Variants in SH3KBP1 observed in about 807,000 individuals in gnomAD.
SH3KBP1 encodes SH3 domain containing kinase binding protein 1.
In SH3KBP1, 8 loss-of-function variants were observed where a neutral mutation model predicts 50.1. The observed-to-expected ratio is 0.16, with a 90% confidence interval of 0.09 to 0.29. SH3KBP1 has a LOEUF of 0.29. Ranked by LOEUF, SH3KBP1 falls within the 10% of genes least tolerant of loss-of-function variation. The pLI is 1.00. For missense variants in SH3KBP1, 377 were observed against 535.2 expected, an observed-to-expected ratio of 0.70 and a Z score of 2.92; for synonymous variants, 227 against 218.6, an observed-to-expected ratio of 1.04 and a Z score of -0.34.
At chrX:19,678,251 C>T (rs1278353891) in intron 6 of SH3KBP1, among the ~76,000 whole-genome samples, 1 of 110,789 alleles carries the variant, frequency 9.0e-6, no homozygotes. Context: ...ATAATCTATA[C>T]AAATAGAGGG....
chrX:19,661,512 C>T (rs1312617350), intron 6 of SH3KBP1, among the ~76,000 whole-genome samples: 8 of 108,829 alleles, frequency 7.4e-5, no homozygotes. Context: ...ACAGTGATTG[C>T]CCCAGGGTGA....
At position 19,887,569 on chromosome X, in the gene SH3KBP1, C is replaced by T; in HGVS notation, c.-259G>A. The T allele has an allele frequency of 8.5e-6, 1 of 117,180 alleles. No individual in the cohort carries two copies. The highest frequency in any genetic ancestry group is 1.6e-5 in the Non-Finnish European group (1 of 63,419). 9.7% of individuals were successfully genotyped at this position (117,180 alleles called of 1,213,427 possible). On this transcript the variant is annotated 5_prime_UTR_variant, in exon 1 of 18. Coordinates refer to ENST00000397821, the MANE Select transcript of SH3KBP1 (RefSeq NM_031892.3). ...CGCGGCCCAATGCGCCCGGCTGCGCCGGGTTTCCTGCTCCCCGCGAGTGGA... is the reference window on the plus strand; with the variant it reads ...CGCGGCCCAATGCGCCCGGCTGCGCTGGGTTTCCTGCTCCCCGCGAGTGGA...
intron 9 of SH3KBP1, among the ~76,000 whole-genome samples, chrX:19,595,607 A>C: frequency 9.7e-6 from 1 of 103,548 alleles, no homozygotes. Context: ...TTTTTTTTGC[A>C]TATCAGCCGT....
At chrX:19,577,490 A>G (rs369973307) in intron 12 of SH3KBP1, among the ~76,000 whole-genome samples, 5 of 111,379 alleles carry the variant, frequency 4.5e-5, no homozygotes, top group African/African-American at 1.6e-4. Context: ...CACTCGACCT[A>G]TCCAGAGGGG....
chrX:19,764,507 C>T (rs1308611253), intron 2 of SH3KBP1, among the ~76,000 whole-genome samples: 1 of 110,501 alleles, frequency 9.0e-6, no homozygotes, highest in Non-Finnish European at 1.9e-5. Context: ...TACCCAGAGG[C>T]CCCCAGAAGT....
chrX:19,835,390 C>T (rs2068031933), intron 2 of SH3KBP1, among the ~76,000 whole-genome samples: 1 of 111,016 alleles, frequency 9.0e-6, no homozygotes, highest in African/African-American at 3.3e-5. Flanking sequence ...TCTCCTGCCT[C>T]AACCTCCCAA....
At chrX:19,870,582 G>A (rs754255066) in intron 1 of SH3KBP1, among the ~76,000 whole-genome samples, 4 of 111,985 alleles carry the variant, frequency 3.6e-5, no homozygotes, top group Non-Finnish European at 7.5e-5. Context: ...CTGGGCTCAC[G>A]TGATCCGCTG....
intron 6 of SH3KBP1, among the ~76,000 whole-genome samples, chrX:19,657,320 C>T (rs2148461411): frequency 9.5e-6 from 1 of 105,154 alleles, no homozygotes; most frequent in East Asian, 3.0e-4. Context: ...GTTGAGGTTG[C>T]AGTGAGCCCC....
At chrX:19,820,804 T>C (rs947082961) in intron 2 of SH3KBP1, among the ~76,000 whole-genome samples, 1 of 111,721 alleles carries the variant, frequency 9.0e-6, no homozygotes, top group Non-Finnish European at 1.9e-5. Context: ...TTGTACATTC[T>C]TTAGAATTTC....
chrX:19,666,423 G>A (rs911162964), intron 6 of SH3KBP1, among the ~76,000 whole-genome samples: 4 of 110,802 alleles, frequency 3.6e-5, no homozygotes, highest in African/African-American at 1.3e-4. Context: ...TAACTACCTG[G>A]GCACTCCACT....
At chrX:19,670,975 C>A (rs1292439644) in intron 6 of SH3KBP1, 4 of 1,092,573 alleles carry the variant, frequency 3.7e-6, no homozygotes, top group Non-Finnish European at 4.8e-6. Flanking sequence ...CCCAGCCTAA[C>A]CCTGAGTCAT....
intron 7 of SH3KBP1, among the ~76,000 whole-genome samples, chrX:19,639,944 G>A (rs2061812473): frequency 9.8e-6 from 1 of 102,464 alleles, no homozygotes; most frequent in East Asian, 3.0e-4. Context: ...TAAACATGTG[G>A]TGAGAAAGCA....
At chrX:19,878,170 T>C (rs765132790) in intron 1 of SH3KBP1, among the ~76,000 whole-genome samples, 1 of 112,067 alleles carries the variant, frequency 8.9e-6, no homozygotes, top group African/African-American at 3.2e-5. Context: ...CAAGTGCTCA[T>C]GATCACAGGT....
intron 1 of SH3KBP1, among the ~76,000 whole-genome samples, chrX:19,837,238 G>A (rs2068083613): frequency 9.0e-6 from 1 of 111,655 alleles, no homozygotes; most frequent in Non-Finnish European, 1.9e-5. Flanking sequence ...CAACAGATGA[G>A]CTCTTACGCA....
intron 13 of SH3KBP1, among the ~76,000 whole-genome samples, chrX:19,567,165 T>C (rs865781537): frequency 1.8e-5 from 2 of 108,357 alleles, no homozygotes; most frequent in Non-Finnish European, 3.8e-5. Context: ...ACAAGGGATC[T>C]AGTGGTGATG....
chrX:19,597,986 A>T (rs1318953549), intron 9 of SH3KBP1, among the ~76,000 whole-genome samples: 1 of 112,804 alleles, frequency 8.9e-6, no homozygotes, highest in Non-Finnish European at 1.9e-5. Context: ...CTTCTCCATC[A>T]GCACTTGCTG....
intron 2 of SH3KBP1, among the ~76,000 whole-genome samples, chrX:19,804,846 G>A (rs1389428345): frequency 1.0e-5 from 1 of 96,258 alleles, no homozygotes; most frequent in Non-Finnish European, 2.1e-5. Context: ...CAGAATCTCA[G>A]CTTCCCCAAA....
chrX:19,760,023 C>CCTCTCT (rs375944570), intron 2 of SH3KBP1, among the ~76,000 whole-genome samples: 63 of 83,578 alleles, frequency 7.5e-4, no homozygotes, highest in African/African-American at 3.2e-3. Context: ...CTCTCTCTCT[C>CCTCTCT]CTCTCTCTCT....
At chrX:19,663,293 T>C (rs770198166) in intron 6 of SH3KBP1, among the ~76,000 whole-genome samples, 6 of 111,735 alleles carry the variant, frequency 5.4e-5, no homozygotes, top group Non-Finnish European at 1.1e-4. Context: ...CTTTTCGTGG[T>C]TGTTATTTTT....
Sources: allele counts gnomAD v4.1 joint callset (sites outside exome capture counted in the v4.1 genomes callset), GRCh38; gene constraint gnomAD v4.1.1; transcripts MANE v1.5; gene names NCBI Gene and HGNC (gene_info 2026-07-23, HGNC 2026-07-21).